The following PHLDB2 variants were observed in gnomAD, a reference collection of about 807,000 sequenced individuals.
PHLDB2 encodes the protein pleckstrin homology like domain family B member 2.
PHLDB2 carries 71 observed loss-of-function variants against 123.6 expected under a neutral mutation model. The observed-to-expected ratio is 0.57, with a 90% CI of 0.47 to 0.70. PHLDB2 has a LOEUF of 0.70. Ranked by LOEUF, PHLDB2 falls within the 30% of genes least tolerant of loss-of-function variation. The probability of loss-of-function intolerance (pLI) is 0.00; values close to 1 mark genes in which losing one functional copy is unlikely to be tolerated. For synonymous variants in PHLDB2, 547 were observed against 541.6 expected (o/e 1.01, Z -0.14); for missense variants, 1,446 against 1,519.5 (o/e 0.95, Z 0.80).
intron 11 of PHLDB2, 172 bp from the exon 12 acceptor site, chr3:111,953,758 G>A (rs776601215): frequency 5.6e-5 from 28 of 504,406 alleles, no homozygotes; most frequent in Non-Finnish European, 9.1e-5. Context: ...GGAACTTCTC[G>A]GGAGGGCCAG....
chr3:111,829,902 T>G (rs975725779), intron 1 of PHLDB2, among the ~76,000 whole-genome samples: 1 of 150,710 alleles, frequency 6.6e-6, no homozygotes, highest in East Asian at 1.9e-4. Flanking sequence ...CATTTTCTTA[T>G]CACCAAACTG....
rs760695727 is a variant in PHLDB2, at chr3:111,939,570, C to T, written c.2226C>T (p.Asn742=). The change falls in exon 7 of 18, where the codon AAC becomes AAT. Residue 742 remains asparagine, a synonymous_variant. Transcript: ENST00000431670. The part of the protein sequence containing the change: ...HESRLDEEKE[N]LTQQLLREVA... The stretch of plus-strand genomic sequence containing the variant: ...GCCGTCTAGATGAAGAAAAGGAGAA[C>T]TTGACTCAACAGCTCCTGCGTGAAG... 3.7e-6 allele frequency: 6 copies of T among 1,613,954 alleles called. No homozygotes were observed. Among genetic ancestry groups the T allele is most frequent in the Non-Finnish European group, 4.2e-6 (5 of 1,179,932 alleles).
At chr3:111,830,768 C>T (rs1333334877) in intron 1 of PHLDB2, among the ~76,000 whole-genome samples, 1 of 126,502 alleles carries the variant, frequency 7.9e-6, no homozygotes, top group Non-Finnish European at 1.6e-5. Context: ...GAGATCCCGC[C>T]ACTGCACTCC....
At chr3:111,902,498 A>G (rs913485623) in intron 2 of PHLDB2, among the ~76,000 whole-genome samples, 4 of 152,182 alleles carry the variant, frequency 2.6e-5, no homozygotes, top group African/African-American at 9.7e-5. Flanking sequence ...TTACTTTAGC[A>G]TATGTTAGTA....
intron 1 of PHLDB2, chr3:111,859,789 A>T: frequency 2.0e-6 from 2 of 984,906 alleles, no homozygotes; most frequent in Non-Finnish European, 2.4e-6. Flanking sequence ...CGGCGGGCTC[A>T]CGGAGGGAGA....
intron 2 of PHLDB2, among the ~76,000 whole-genome samples, chr3:111,852,386 T>C: frequency 6.7e-6 from 1 of 148,454 alleles, no homozygotes; most frequent in Non-Finnish European, 1.5e-5. Flanking sequence ...CATAAATTAA[T>C]ATTATACATA....
intron 1 of PHLDB2, among the ~76,000 whole-genome samples, chr3:111,862,283 G>T (rs2064870272): frequency 6.6e-6 from 1 of 152,206 alleles, no homozygotes; most frequent in African/African-American, 2.4e-5. Context: ...TGGAGTACCT[G>T]TGCCTTATGA....
intron 1 of PHLDB2, among the ~76,000 whole-genome samples, chr3:111,864,481 AGTT>A (rs1283707515): frequency 2.0e-5 from 3 of 152,240 alleles, no homozygotes; most frequent in Non-Finnish European, 4.4e-5. Context: ...ATTTGCTTAC[AGTT>A]GTTTTCATGA....
chr3:111,972,471 A>G (rs958308610), intron 16 of PHLDB2, among the ~76,000 whole-genome samples: 3 of 152,052 alleles, frequency 2.0e-5, no homozygotes, highest in African/African-American at 7.2e-5. Context: ...AATTCAAAAT[A>G]TAACAAAAAT....
intron 5 of PHLDB2, 73 bp from the exon 6 acceptor site, chr3:111,932,196 A>G: frequency 1.4e-6 from 2 of 1,466,324 alleles, no homozygotes; most frequent in Admixed American, 2.2e-5. Context: ...GTTATCCTTG[A>G]GAAATGTTCA....
intron 1 of PHLDB2, among the ~76,000 whole-genome samples, chr3:111,872,640 A>C (rs2065403692): frequency 6.6e-6 from 1 of 152,164 alleles, no homozygotes; most frequent in South Asian, 2.1e-4. Flanking sequence ...CTCATTCAAA[A>C]TACACGACTG....
At chr3:111,896,189 G>C (rs1211089830) in intron 2 of PHLDB2, among the ~76,000 whole-genome samples, 3 of 152,200 alleles carry the variant, frequency 2.0e-5, no homozygotes, top group Admixed American at 6.5e-5. Flanking sequence ...CTGGCCTCAA[G>C]TGATTTGCTC....
At chr3:111,949,569 G>T in intron 10 of PHLDB2, 2 of 366,550 alleles carry the variant, frequency 5.5e-6, no homozygotes, top group Non-Finnish European at 7.6e-6. Context: ...AGGCTAAATT[G>T]AAAGATATTG....
At chr3:111,838,600 T>G (rs891564050) in intron 1 of PHLDB2, among the ~76,000 whole-genome samples, 2 of 152,180 alleles carry the variant, frequency 1.3e-5, no homozygotes, top group African/African-American at 2.4e-5. Context: ...AAAAAATAGT[T>G]GTAGGCTTTA....
chr3:111,787,990 G>T (rs2060763943), intron 1 of PHLDB2, among the ~76,000 whole-genome samples: 1 of 152,132 alleles, frequency 6.6e-6, no homozygotes, highest in South Asian at 2.1e-4. Context: ...CTCCAGTCTG[G>T]CAAAGACTGG....
chr3:111,855,829 G>A (rs748624563), upstream of PHLDB2, among the ~76,000 whole-genome samples: 2 of 151,840 alleles, frequency 1.3e-5, no homozygotes, highest in Non-Finnish European at 2.9e-5. Flanking sequence ...GACGGGTTTT[G>A]CCATGTTGGC....
intron 6 of PHLDB2, among the ~76,000 whole-genome samples, chr3:111,937,205 T>A (rs533132118): frequency 2.5e-4 from 38 of 152,344 alleles, no homozygotes; most frequent in African/African-American, 8.4e-4. Flanking sequence ...CTTCTATGAA[T>A]CATCCCTAGA....
At chr3:111,780,794 G>T (rs1055692550) in intron 1 of PHLDB2, among the ~76,000 whole-genome samples, 2 of 152,070 alleles carry the variant, frequency 1.3e-5, no homozygotes, top group African/African-American at 4.8e-5. Context: ...ATCAATAGCA[G>T]CAGAAGGAAA....
chr3:111,975,801 A>G lies in PHLDB2; in HGVS notation c.*1238A>G, dbSNP rs1489362649. On this transcript the variant is annotated 3_prime_UTR_variant, in exon 18 of 18. Transcript: ENST00000431670. ...AATGTGCTCTTTCCTAAAACATGGCAAATGAATAGATGTAGAGAATAACAA... is the reference window on the plus strand; with the variant it reads ...AATGTGCTCTTTCCTAAAACATGGCGAATGAATAGATGTAGAGAATAACAA... 1.3e-5 allele frequency: 2 copies of G among 152,644 alleles called. No homozygotes were observed. Among genetic ancestry groups the G allele is most frequent in the African/African-American group, 4.8e-5 (2 of 41,466 alleles). The allele number at this position is 152,644 out of a possible 1,614,324, so 9.5% of individuals were successfully genotyped here. A position where few individuals can be genotyped will look rare whatever the true frequency, so the allele number is the denominator to read the frequency against.
Sources: allele counts gnomAD v4.1 joint callset (sites outside exome capture counted in the v4.1 genomes callset), GRCh38; gene constraint gnomAD v4.1.1; transcripts MANE v1.5; gene names NCBI Gene and HGNC (gene_info 2026-07-23, HGNC 2026-07-21).